Variants in ZBTB7C observed in about 807,000 individuals in gnomAD.
The protein encoded by ZBTB7C is zinc finger and BTB domain containing 7C, also known as zinc finger and BTB domain-containing protein 7C.
Under a neutral mutation model 25.7 loss-of-function variants are expected in ZBTB7C, and 8 were observed. The observed-to-expected ratio is 0.31, with a 90% CI of 0.18 to 0.56. ZBTB7C has a LOEUF of 0.56. Among genes scored for constraint, ZBTB7C ranks in the 20% least tolerant of loss-of-function variants. The probability of loss-of-function intolerance (pLI) is 0.91; values close to 1 mark genes in which losing one functional copy is unlikely to be tolerated. For missense variants in ZBTB7C, 824 were observed against 855.2 expected (o/e 0.96, Z 0.46); for synonymous variants, 394 against 369.0 (o/e 1.07, Z -0.78).
chr18:48,333,183 A>AATACTC (rs755226441), intron 2 of ZBTB7C, among the ~76,000 whole-genome samples: 1 of 152,178 alleles, frequency 6.6e-6, no homozygotes, highest in Non-Finnish European at 1.5e-5. Flanking sequence ...AAAATTGTTA[A>AATACTC]ATACTCATAT....
intron 2 of ZBTB7C, among the ~76,000 whole-genome samples, chr18:48,216,419 A>G (rs1204579213): frequency 1.3e-5 from 2 of 152,156 alleles, no homozygotes; most frequent in Admixed American, 1.3e-4. Context: ...AAGCAGTTGC[A>G]TAACCTTGCA....
At chr18:48,041,258 G>C (rs928211037) in intron 3 of ZBTB7C, 135 bp from the exon 4 acceptor site, 3 of 1,414,176 alleles carry the variant, frequency 2.1e-6, no homozygotes. Context: ...CTACCTCTTA[G>C]CCTTGCCAAA....
At chr18:48,078,238 C>T (rs1383587597) in intron 3 of ZBTB7C, among the ~76,000 whole-genome samples, 25 of 152,190 alleles carry the variant, frequency 1.6e-4, no homozygotes, top group Non-Finnish European at 2.9e-5. Context: ...AGGTCCTGTA[C>T]AAGGGAAAGG....
chr18:48,254,206 A>T (rs2043954860), intron 2 of ZBTB7C, among the ~76,000 whole-genome samples: 1 of 152,264 alleles, frequency 6.6e-6, no homozygotes, highest in Admixed American at 6.5e-5. Flanking sequence ...AGACATAGAC[A>T]AGAAAGCTGG....
Position 48,027,540 on chromosome 18 carries a change from GGT to G in ZBTB7C, c.*1718_*1719del, listed in dbSNP as rs1437531732. The G allele has an allele frequency of 6.6e-6, 1 of 152,180 alleles. No homozygotes were observed. Among genetic ancestry groups the G allele is most frequent in the Non-Finnish European group, 1.5e-5 (1 of 68,044 alleles). 9.4% of individuals were successfully genotyped at this position (152,180 alleles called of 1,614,324 possible). ...AGGCAGATGACTTCTGAGAACAGAGGGTGTGTGTAGCAATCCTGCTGGCTGGA... is the reference window on the plus strand; with the variant it reads ...AGGCAGATGACTTCTGAGAACAGAGGGTGTGTAGCAATCCTGCTGGCTGGA... On this transcript the variant is annotated 3_prime_UTR_variant, in exon 5 of 5. Transcript: ENST00000590800.
chr18:48,033,116 C>G (rs1040039775), intron 4 of ZBTB7C, among the ~76,000 whole-genome samples: 3 of 152,212 alleles, frequency 2.0e-5, no homozygotes, highest in Admixed American at 2.0e-4. Context: ...CCTCTCTGTG[C>G]AGAGCTAAAC....
intron 2 of ZBTB7C, among the ~76,000 whole-genome samples, chr18:48,190,490 T>A (rs976504832): frequency 1.3e-5 from 2 of 152,160 alleles, no homozygotes; most frequent in Admixed American, 6.5e-5. Context: ...GCAATTGTCT[T>A]AGTGTCATCC....
At chr18:48,262,911 G>T (rs930862074) in intron 2 of ZBTB7C, among the ~76,000 whole-genome samples, 1 of 152,134 alleles carries the variant, frequency 6.6e-6, no homozygotes, top group Non-Finnish European at 1.5e-5. Context: ...CACTGGCTGG[G>T]CCTCACTGCA....
chr18:48,282,383 G>C (rs1225164290), intron 2 of ZBTB7C, among the ~76,000 whole-genome samples: 1 of 151,286 alleles, frequency 6.6e-6, no homozygotes, highest in African/African-American at 2.4e-5. Context: ...AATGGGTGCA[G>C]CAAACCAACA....
At chr18:48,309,108 G>A (rs2045750490) in intron 2 of ZBTB7C, among the ~76,000 whole-genome samples, 3 of 152,164 alleles carry the variant, frequency 2.0e-5, no homozygotes, top group Admixed American at 6.5e-5. Context: ...ATGAGGGAAA[G>A]AAAAAGAGGT....
intron 2 of ZBTB7C, among the ~76,000 whole-genome samples, chr18:48,218,600 G>A (rs1470137835): frequency 6.6e-6 from 1 of 152,234 alleles, no homozygotes; most frequent in African/African-American, 2.4e-5. Context: ...ATCTGTGGTG[G>A]TGTTTGTTGA....
chr18:48,156,210 G>A (rs928042710), intron 3 of ZBTB7C, among the ~76,000 whole-genome samples: 4 of 152,326 alleles, frequency 2.6e-5, no homozygotes, highest in Admixed American at 2.6e-4. Flanking sequence ...ATGGAGCCAG[G>A]ATTTGGGTCA....
intron 2 of ZBTB7C, among the ~76,000 whole-genome samples, chr18:48,206,455 G>C (rs1469530471): frequency 1.3e-5 from 2 of 152,142 alleles, no homozygotes; most frequent in Non-Finnish European, 2.9e-5. Context: ...AGGAGTTAGA[G>C]ACCAGTCTGG....
intron 2 of ZBTB7C, among the ~76,000 whole-genome samples, chr18:48,265,890 G>A (rs1202458012): frequency 6.6e-6 from 1 of 152,194 alleles, no homozygotes; most frequent in Non-Finnish European, 1.5e-5. Context: ...ACATCATTGA[G>A]ACACTTGCAC....
At chr18:48,327,254 G>A (rs539402863) in intron 2 of ZBTB7C, among the ~76,000 whole-genome samples, 18 of 152,110 alleles carry the variant, frequency 1.2e-4, no homozygotes, top group East Asian at 1.9e-4. Flanking sequence ...CTATGCCCAC[G>A]TCTGCTCCAT....
intron 2 of ZBTB7C, among the ~76,000 whole-genome samples, chr18:48,213,608 T>C (rs1417863561): frequency 3.3e-5 from 5 of 152,184 alleles, no homozygotes; most frequent in Non-Finnish European, 5.9e-5. Context: ...TTAATCTAGA[T>C]CAAATCTGAA....
At chr18:48,138,510 T>G (rs780143245) in intron 3 of ZBTB7C, among the ~76,000 whole-genome samples, 6 of 152,080 alleles carry the variant, frequency 3.9e-5, no homozygotes, top group Non-Finnish European at 8.8e-5. Context: ...TAGACTAGAA[T>G]GCATCTGTCA....
chr18:48,220,324 C>A (rs150295037), intron 2 of ZBTB7C, among the ~76,000 whole-genome samples: 1 of 152,174 alleles, frequency 6.6e-6, no homozygotes, highest in African/African-American at 2.4e-5. Flanking sequence ...GGCTGCAGTG[C>A]CAGCGCTGGC....
chr18:48,348,778 C>T (rs1409802751), intron 1 of ZBTB7C, among the ~76,000 whole-genome samples: 2 of 152,246 alleles, frequency 1.3e-5, no homozygotes, highest in Non-Finnish European at 2.9e-5. Flanking sequence ...GATCGTGCCA[C>T]TGCACTCCAG....
Sources: allele counts gnomAD v4.1 joint callset (sites outside exome capture counted in the v4.1 genomes callset), GRCh38; gene constraint gnomAD v4.1.1; transcripts MANE v1.5; gene names NCBI Gene and HGNC (gene_info 2026-07-23, HGNC 2026-07-21).